Variants in NIPSNAP2 observed in about 807,000 individuals in gnomAD.
NIPSNAP2 encodes nipsnap homolog 2.
A neutral mutation model predicts 48.4 loss-of-function variants in NIPSNAP2; 42 were observed. The ratio of observed to expected loss-of-function variants is 0.87; its 90% CI spans 0.68 to 1.12. NIPSNAP2 has a LOEUF of 1.12. Among genes scored for constraint, NIPSNAP2 ranks in the 50% most tolerant of loss-of-function variants. The pLI is 0.00. For synonymous variants in NIPSNAP2, 158 were observed against 126.6 expected, an observed-to-expected ratio of 1.25 and a Z score of -1.67; for missense variants, 314 against 347.3, an observed-to-expected ratio of 0.90 and a Z score of 0.76.
intron 1 of NIPSNAP2, among the ~76,000 whole-genome samples, chr7:55,969,949 C>G (rs1483717765): frequency 1.3e-5 from 2 of 148,792 alleles, no homozygotes; most frequent in Non-Finnish European, 3.0e-5. Flanking sequence ...CACCACTGCA[C>G]TCCAGCCTGG....
intron 7 of NIPSNAP2, among the ~76,000 whole-genome samples, chr7:55,987,355 C>T (rs1295561738): frequency 6.6e-6 from 1 of 150,982 alleles, no homozygotes; most frequent in Non-Finnish European, 1.5e-5. Context: ...GGGCTGGGTG[C>T]GGTGGCTCAC....
At chr7:55,973,070 C>T (rs1787044561) in intron 1 of NIPSNAP2, among the ~76,000 whole-genome samples, 1 of 151,956 alleles carries the variant, frequency 6.6e-6, no homozygotes, top group South Asian at 2.1e-4. Flanking sequence ...CACGCCACTG[C>T]ACTCCAGCCT....
At chr7:55,967,319 A>G (rs1041432851) in intron 1 of NIPSNAP2, among the ~76,000 whole-genome samples, 3 of 152,182 alleles carry the variant, frequency 2.0e-5, no homozygotes, top group Admixed American at 6.5e-5. Context: ...CCCGCCATCT[A>G]TCATTTACCA....
At chr7:55,995,532 G>C (rs1020765364) in intron 8 of NIPSNAP2, among the ~76,000 whole-genome samples, 1 of 152,128 alleles carries the variant, frequency 6.6e-6, no homozygotes, top group Non-Finnish European at 1.5e-5. Flanking sequence ...CACTCCTCCT[G>C]AGCCCCCAGA....
At chr7:55,997,565 T>C (rs1185611163) in intron 9 of NIPSNAP2, 116 bp downstream of exon 9, 16 of 767,410 alleles carry the variant, frequency 2.1e-5, no homozygotes, top group African/African-American at 3.5e-5. Flanking sequence ...TAGTGAGTTA[T>C]CAGGTTGTGG....
intron 7 of NIPSNAP2, chr7:55,991,781 T>TAA (rs1787450613): frequency 1.8e-5 from 4 of 225,626 alleles, no homozygotes; most frequent in South Asian, 6.0e-5. Context: ...TATATATATA[T>TAA]AATTTATAAA....
chr7:55,967,308 T>TC (rs1483943050), intron 1 of NIPSNAP2, among the ~76,000 whole-genome samples: 23 of 152,232 alleles, frequency 1.5e-4, no homozygotes. Context: ...TCCCTCTTTT[T>TC]CCCGCCATCT....
Position 55,986,998 on chromosome 7 carries a change from A to C in NIPSNAP2, c.617+2120A>C, listed in dbSNP as rs912309737. On this transcript the variant is annotated intron_variant, in intron 7 of 9. Transcript: ENST00000322090. ...CCTGTCTCTATAAAAAAAAAAAAAA[A>C]AAAAAAAAAAAACTTGCCAGGCGTG... Among the ~76,000 whole-genome samples, 12 of 149,010 alleles carry C rather than the reference A, an allele frequency of 8.1e-5. No homozygotes were observed. In the East Asian group the frequency reaches 1.0e-3, roughly 12 times the overall value.
At position 55,999,522 on chromosome 7, in the gene NIPSNAP2, G is replaced by C. The variant is rs1273219232; in HGVS notation, c.*450G>C. 6.5e-6 allele frequency: 1 copy of C among 153,354 alleles called. No individual in the cohort carries two copies. The highest frequency in any genetic ancestry group is 1.4e-5 in the Non-Finnish European group (1 of 69,454). 9.5% of individuals were successfully genotyped at this position (153,354 alleles called of 1,614,324 possible). Reference sequence around the variant, plus strand: ...CAAATTTTGTCATGTTTCTCAAGCAGTTTTTCTGAGTAGTTTCTGAGGAGG... The same window carrying C: ...CAAATTTTGTCATGTTTCTCAAGCACTTTTTCTGAGTAGTTTCTGAGGAGG... On this transcript the variant is annotated 3_prime_UTR_variant, in exon 10 of 10. Transcript: ENST00000322090.
Position 55,978,195 on chromosome 7 carries a change from T to A in NIPSNAP2, c.162T>A (p.Val54=), listed in dbSNP as rs747332207. The change falls in exon 2 of 10, where the codon GTT becomes GTA. Residue 54 remains valine (V), a synonymous_variant. Transcript: ENST00000322090. ...SWLKSLFVRK[V]DPRKDAHSNL... is the part of the protein sequence containing the mutation. ...TAAAATCCTTATTTGTCCGGAAAGT[T>A]GATCCAAGAAAAGATGCCCACTCCA... 6 of 1,614,030 alleles carry A rather than the reference T, an allele frequency of 3.7e-6. No homozygotes were observed. The highest frequency in any genetic ancestry group is 5.1e-6 in the Non-Finnish European group (6 of 1,180,028).
At position 56,000,137 on chromosome 7, in the gene NIPSNAP2, CAAAG is replaced by C. The variant is rs1787647618; in HGVS notation, c.*1068_*1071del. The C allele has an allele frequency of 6.5e-6, 1 of 152,682 alleles. No individual in the cohort carries two copies. The highest frequency in any genetic ancestry group is 1.9e-4 in the East Asian group (1 of 5,188). The allele number at this position is 152,682 out of a possible 1,614,324, so 9.5% of individuals were successfully genotyped here. A position where few individuals can be genotyped will look rare whatever the true frequency, so the allele number is the denominator to read the frequency against. ...AACTTTTACATGTGAATGATTTTCT[CAAAG>C]AACATAGAAAAGTCAATAAAATCCT... On this transcript the variant is annotated 3_prime_UTR_variant, in exon 10 of 10. Transcript: ENST00000322090.
chr7:55,983,922 C>T (rs1202788354), intron 6 of NIPSNAP2, 54 bp downstream of exon 6: 1 of 1,547,756 alleles, frequency 6.5e-7, no homozygotes, highest in Non-Finnish European at 8.9e-7. Context: ...AAAGCACAAG[C>T]ATTTTGTAAG....
Position 55,999,423 on chromosome 7 carries a change from TA to T in NIPSNAP2, c.*359del, listed in dbSNP as rs1217770261. ...AAAAAAAATTTAGCCATTTCTTTAC[TA>T]AAAAAAACCAAAAAACAAATCTGTT... On this transcript the variant is annotated 3_prime_UTR_variant, in exon 10 of 10. Coordinates refer to ENST00000322090, the MANE Select transcript of NIPSNAP2 (RefSeq NM_001483.3). 3 of 181,592 alleles carry T rather than the reference TA, an allele frequency of 1.7e-5. No individual in the cohort carries two copies. The highest frequency in any genetic ancestry group is 4.7e-5 in the African/African-American group (2 of 42,576). The allele number at this position is 181,592 out of a possible 1,614,324, so 11.2% of individuals were successfully genotyped here.
At chr7:55,995,533 A>T (rs562397129) in intron 8 of NIPSNAP2, among the ~76,000 whole-genome samples, 1 of 152,200 alleles carries the variant, frequency 6.6e-6, no homozygotes, top group South Asian at 2.1e-4. Flanking sequence ...ACTCCTCCTG[A>T]GCCCCCAGAG....
At chr7:55,998,936 C>CT in intron 9 of NIPSNAP2, 72 bp from the exon 10 acceptor site, 4 of 1,223,574 alleles carry the variant, frequency 3.3e-6, no homozygotes, top group Non-Finnish European at 4.9e-6. Flanking sequence ...TCTCGGCAAT[C>CT]TGTCTGTTAG....
intron 1 of NIPSNAP2, among the ~76,000 whole-genome samples, chr7:55,971,028 CCGGCATAGAATGCTGACTTGATTTCAAGT>C (rs1466900284): frequency 6.6e-6 from 1 of 152,108 alleles, no homozygotes; most frequent in Non-Finnish European, 1.5e-5. Flanking sequence ...TCCATAGAGC[CCGGCATAGAATGCTGACTTGATTTCAAGT>C]CTAGTGTTTT....
At chr7:55,967,710 G>A (rs189637362) in intron 1 of NIPSNAP2, among the ~76,000 whole-genome samples, 2 of 151,746 alleles carry the variant, frequency 1.3e-5, no homozygotes, top group Admixed American at 6.6e-5. Context: ...GTTCAGTGGC[G>A]TGATCTCGGC....
At chr7:55,986,902 T>C (rs1368326027) in intron 7 of NIPSNAP2, among the ~76,000 whole-genome samples, 1 of 150,464 alleles carries the variant, frequency 6.6e-6, no homozygotes, top group Non-Finnish European at 1.5e-5. Context: ...ATCCTAGCAC[T>C]TTGGGAGGCC....
rs200096153 is a variant in NIPSNAP2 at position 55,978,155 on chromosome 7, G to A, written c.122G>A (p.Arg41Gln). The A allele has an allele frequency of 2.0e-5, 32 of 1,613,990 alleles. No individual in the cohort carries two copies. Among genetic ancestry groups the A allele is most frequent in the Non-Finnish European group, 2.5e-5 (30 of 1,180,032 alleles). The stretch of plus-strand genomic sequence containing the variant: ...TGGACATCTTCCAGCAACAGATCTC[G>A]AGAAGACAGCTGGCTAAAATCCTTA... ...RTWTSSSNRS[R>Q]EDSWLKSLFV... is the part of the protein sequence containing the mutation. The change falls in exon 2 of 10, where the codon CGA becomes CAA. Residue 41 changes from arginine (R) to glutamine (Q), a missense_variant. This residue lies in a region of NIPSNAP2 where 198 missense variants were observed against 185.5 expected (regional missense o/e 1.07). Coordinates refer to ENST00000322090, the MANE Select transcript of NIPSNAP2 (RefSeq NM_001483.3).
Sources: gnomAD v4.1 joint callset for allele counts (sites outside exome capture counted in the v4.1 genomes callset) on GRCh38, gnomAD v4.1.1 for gene constraint, gnomAD v4.1.1 regional missense constraint, MANE v1.5 for transcripts, NCBI Gene and HGNC (gene_info 2026-07-23, HGNC 2026-07-21) for gene names.